Variants in UBE2E1 observed in about 807,000 individuals in gnomAD.
UBE2E1 encodes ubiquitin conjugating enzyme E2 E1.
UBE2E1 carries 6 observed loss-of-function variants against 21.4 expected under a neutral mutation model. The ratio of observed to expected loss-of-function variants is 0.28; its 90% CI spans 0.15 to 0.55. UBE2E1 has a LOEUF of 0.55. UBE2E1 is among the 20% of genes least tolerant of loss of function. UBE2E1 has a pLI of 0.93. For synonymous variants in UBE2E1, 87 were observed against 82.7 expected (o/e 1.05, Z -0.28); for missense variants, 142 against 236.5 (o/e 0.60, Z 2.62).
rs1699516993 is a variant in UBE2E1, at chr3:23,816,379, T to C, written c.203+4869T>C. On this transcript the variant is annotated intron_variant, in intron 3 of 5. Coordinates refer to ENST00000306627, the MANE Select transcript of UBE2E1 (RefSeq NM_003341.5). This position sits in a 1 kb window ranked among gnomAD's most constrained non-coding sequence, Gnocchi z 4.8. Reference sequence around the variant, plus strand: ...TCATCTATAAAAAGGAATGAAGTTGTGATGCATGGATACAACATGGTTGAA... The same window carrying C: ...TCATCTATAAAAAGGAATGAAGTTGCGATGCATGGATACAACATGGTTGAA... Among the ~76,000 whole-genome samples the C allele has an allele frequency of 6.6e-6, 1 of 152,174 alleles. No individual in the cohort carries two copies. Among genetic ancestry groups the C allele is most frequent in the Non-Finnish European group, 1.5e-5 (1 of 68,022 alleles).
At position 23,810,337 on chromosome 3, in the gene UBE2E1, G is replaced by A; in HGVS notation, c.153-1123G>A. ...AGTGCCTAGGTAAGCAAAAGACAAA[G>A]GCCAGGGCTTGGTGTGAACTGCCTG... On this transcript the variant is annotated intron_variant, in intron 2 of 5. Transcript: ENST00000306627. The surrounding 1 kb of genome is among the most constrained non-coding windows in gnomAD (Gnocchi z 5.8). 1 of 1,196,328 alleles carries A rather than the reference G, an allele frequency of 8.4e-7. No individual in the cohort carries two copies. The highest frequency in any genetic ancestry group is 1.2e-6 in the Non-Finnish European group (1 of 842,014). The allele number at this position is 1,196,328 out of a possible 1,614,324, so 74.1% of individuals were successfully genotyped here. A position where few individuals can be genotyped will look rare whatever the true frequency, so the allele number is the denominator to read the frequency against.
At chr3:23,822,836 C>A (rs1405272919) in intron 3 of UBE2E1, among the ~76,000 whole-genome samples, 3 of 144,244 alleles carry the variant, frequency 2.1e-5, no homozygotes, top group Admixed American at 1.4e-4. Flanking sequence ...CCCATCCCCC[C>A]ACCCCCAACC....
chr3:23,851,066 T>A (rs1162195440), intron 3 of UBE2E1, among the ~76,000 whole-genome samples: 1 of 152,154 alleles, frequency 6.6e-6, no homozygotes, highest in Non-Finnish European at 1.5e-5. Context: ...TTAATTTTTG[T>A]GTGTGGTGTG....
At chr3:23,868,726 T>G (rs1700711248) in intron 3 of UBE2E1, among the ~76,000 whole-genome samples, 1 of 152,142 alleles carries the variant, frequency 6.6e-6, no homozygotes, top group African/African-American at 2.4e-5. Context: ...TGTTGTTTTT[T>G]TTTTTTAATC....
At chr3:23,859,765 T>G (rs1204685911) in intron 3 of UBE2E1, among the ~76,000 whole-genome samples, 2 of 152,214 alleles carry the variant, frequency 1.3e-5, no homozygotes, top group African/African-American at 4.8e-5. Context: ...GTAAACTGTC[T>G]TCCCTGGTTT....
At position 23,807,402 on chromosome 3, in the gene UBE2E1, C is replaced by T; in HGVS notation, c.133C>T (p.Leu45Phe). 2 of 1,613,110 alleles carry T rather than the reference C, an allele frequency of 1.2e-6. No individual in the cohort carries two copies. Among genetic ancestry groups the T allele is most frequent in the Non-Finnish European group, 8.5e-7 (1 of 1,179,646 alleles). Residue 45 changes from leucine (L) to phenylalanine (F), a missense_variant, in exon 2 of 6, where the codon CTC becomes TTC. By Grantham distance (22) the Leu-to-Phe change is conservative (BLOSUM62 0). Around this residue, in one of 2 missense-constraint regions of UBE2E1, gnomAD observed 55 missense variants for 51.5 expected, o/e 1.07. Transcript: ENST00000306627. The stretch of plus-strand genomic sequence containing the variant: ...CAGCATGAGCAAAAACTCCAAACTC[C>T]TCTCCACCAGCGCCAAGAGGTACTG... ...KVSMSKNSKL[L>F]STSAKRIQKE...
At chr3:23,834,596 G>A (rs1699939258) in intron 3 of UBE2E1, among the ~76,000 whole-genome samples, 1 of 152,150 alleles carries the variant, frequency 6.6e-6, no homozygotes, top group Non-Finnish European at 1.5e-5. Flanking sequence ...AGGTGCCATG[G>A]TTCAAGCCTG....
intron 3 of UBE2E1, among the ~76,000 whole-genome samples, chr3:23,839,278 A>G (rs866352702): frequency 6.6e-6 from 1 of 152,052 alleles, no homozygotes; most frequent in Non-Finnish European, 1.5e-5. Context: ...CCTGGCTAAC[A>G]CGGTGAAACC....
chr3:23,825,618 C>A (rs1016479825), intron 3 of UBE2E1, among the ~76,000 whole-genome samples: 2 of 152,032 alleles, frequency 1.3e-5, no homozygotes, highest in Non-Finnish European at 2.9e-5. Flanking sequence ...TTGGTTGGTG[C>A]CACATTGGGG....
At position 23,891,224 on chromosome 3, in the gene UBE2E1, A is replaced by AGTT. The variant is rs1248779183; in HGVS notation, c.*620_*622dup. The AGTT allele has an allele frequency of 2.0e-5, 3 of 152,278 alleles. No homozygotes were observed. The highest frequency in any genetic ancestry group is 4.4e-5 in the Non-Finnish European group (3 of 68,050). 9.4% of individuals were successfully genotyped at this position (152,278 alleles called of 1,614,324 possible). On this transcript the variant is annotated 3_prime_UTR_variant, in exon 6 of 6. Transcript: ENST00000306627. Reference sequence around the variant, plus strand: ...AACTAACTGTAAGGCGTGGAATAGGAGTTGCTCAGTGGATTGGTTCTATGT... The same window carrying AGTT: ...AACTAACTGTAAGGCGTGGAATAGGAGTTGTTGCTCAGTGGATTGGTTCTATGT...
At chr3:23,889,506 T>TTA in intron 5 of UBE2E1, 1 of 1,381,230 alleles carries the variant, frequency 7.2e-7, no homozygotes, top group African/African-American at 1.5e-5. Flanking sequence ...CCTTGGGCTT[T>TTA]TAGTTTCAAT....
chr3:23,889,848 T>A, intron 5 of UBE2E1: 1 of 743,370 alleles, frequency 1.3e-6, no homozygotes, highest in Non-Finnish European at 1.6e-6. Context: ...CATGAGCATG[T>A]CACTGCACTG....
rs1575801322 is a variant in UBE2E1 at position 23,814,670 on chromosome 3, A to G, written c.203+3160A>G. Reference sequence around the variant, plus strand: ...GATTGTAAAATTATGCCTTTTAGATAGCTGATGAACTCTGGGCCACCAGAG... The same window carrying G: ...GATTGTAAAATTATGCCTTTTAGATGGCTGATGAACTCTGGGCCACCAGAG... On this transcript the variant is annotated intron_variant, in intron 3 of 5. Coordinates refer to ENST00000306627, the MANE Select transcript of UBE2E1 (RefSeq NM_003341.5). Among the ~76,000 whole-genome samples the G allele has an allele frequency of 5.9e-5, 9 of 152,308 alleles. No individual in the cohort carries two copies. In the South Asian group the frequency reaches 1.9e-3, roughly 32 times the overall value.
intron 3 of UBE2E1, among the ~76,000 whole-genome samples, chr3:23,877,521 A>G (rs1417615073): frequency 3.9e-5 from 6 of 152,186 alleles, no homozygotes; most frequent in African/African-American, 1.4e-4. Flanking sequence ...TCTATCCACC[A>G]GATGCCATTA....
chr3:23,862,515 A>C (rs545977740), intron 3 of UBE2E1, among the ~76,000 whole-genome samples: 7 of 152,338 alleles, frequency 4.6e-5, no homozygotes, highest in East Asian at 1.9e-4. Context: ...GCAATGAACT[A>C]TATGTCCCTG....
At chr3:23,845,589 C>CTCTCTCTCTGTGTGTGTGTGTG in intron 3 of UBE2E1, among the ~76,000 whole-genome samples, 1 of 121,358 alleles carries the variant, frequency 8.2e-6, no homozygotes, top group African/African-American at 3.2e-5. Context: ...CTCTCTCTCT[C>CTCTCTCTCTGTGTGTGTGTGTG]TGTGTGTGTG....
At chr3:23,841,492 A>G (rs939617821) in intron 3 of UBE2E1, among the ~76,000 whole-genome samples, 1 of 152,256 alleles carries the variant, frequency 6.6e-6, no homozygotes, top group East Asian at 1.9e-4. Context: ...AAGAATATTT[A>G]TATTATATGT....
At position 23,857,018 on chromosome 3, in the gene UBE2E1, A is replaced by AAAG. The variant is rs1553638831; in HGVS notation, c.204-30548_204-30547insAGA. The stretch of plus-strand genomic sequence containing the variant: ...CTGTCTCTTAAAAAAAAAAAAAAAA[A>AAAG]AGAGAGAGAATGAGAAATGCCATTT... On this transcript the variant is annotated intron_variant, in intron 3 of 5. Transcript: ENST00000306627. 4.1e-5 allele frequency among the ~76,000 whole-genome samples: 6 copies of AAAG among 146,050 alleles called. No individual in the cohort carries two copies. The South Asian group carries it at 6.5e-4, about 16-fold the overall frequency.
chr3:23,812,193 G>T (rs1575799032), intron 3 of UBE2E1, among the ~76,000 whole-genome samples: 1 of 151,466 alleles, frequency 6.6e-6, no homozygotes, highest in Non-Finnish European at 1.5e-5. Flanking sequence ...CAAGGTGGAA[G>T]ACTTGATGAC....
Sources: gnomAD v4.1 joint callset for allele counts (sites outside exome capture counted in the v4.1 genomes callset) on GRCh38, gnomAD v4.1.1 for gene constraint, gnomAD v4.1.1 regional missense constraint, Gnocchi (gnomAD v3.1) non-coding constraint, MANE v1.5 for transcripts, NCBI Gene and HGNC (gene_info 2026-07-23, HGNC 2026-07-21) for gene names.